The following DGKI variants were observed in gnomAD, a reference collection of about 807,000 sequenced individuals.
DGKI encodes diacylglycerol kinase iota.
DGKI carries 55 observed loss-of-function variants against 147.5 expected under a neutral mutation model. That is an observed-to-expected ratio of 0.37 (90% CI 0.30 to 0.47). The LOEUF (loss-of-function observed/expected upper bound fraction) is 0.47, where lower values mean the gene tolerates loss of function less well. DGKI is among the 20% of genes least tolerant of loss of function. The pLI, the probability that DGKI is intolerant of heterozygous loss-of-function variation, is 1.00. For synonymous variants in DGKI, 469 were observed against 477.1 expected (o/e 0.98, Z 0.22); for missense variants, 1,007 against 1,323.8 (o/e 0.76, Z 3.71).
intron 1 of DGKI, among the ~76,000 whole-genome samples, chr7:137,829,731 C>A (rs529919555): frequency 1.3e-5 from 2 of 152,346 alleles, no homozygotes; most frequent in Non-Finnish European, 2.9e-5. Flanking sequence ...AAGTAATTTT[C>A]TTGGCCACCA....
At chr7:137,423,724 G>A (rs1227557180) in intron 28 of DGKI, among the ~76,000 whole-genome samples, 1 of 152,148 alleles carries the variant, frequency 6.6e-6, no homozygotes, top group African/African-American at 2.4e-5. Context: ...GTAAAGTCAG[G>A]AAGGAGTTAA....
intron 15 of DGKI, among the ~76,000 whole-genome samples, chr7:137,580,234 G>A (rs1045780271): frequency 6.6e-6 from 1 of 152,066 alleles, no homozygotes; most frequent in Non-Finnish European, 1.5e-5. Context: ...ATTTTATTAA[G>A]AAGCCCAGGA....
intron 6 of DGKI, among the ~76,000 whole-genome samples, chr7:137,639,969 C>A (rs116490467): frequency 0.014 from 2,123 of 152,030 alleles, 30 homozygotes; most frequent in South Asian, 0.037. Flanking sequence ...ATCCATTACT[C>A]CAAAAATGTT....
At chr7:137,402,917 A>T (rs1811814954) in intron 30 of DGKI, among the ~76,000 whole-genome samples, 1 of 152,224 alleles carries the variant, frequency 6.6e-6, no homozygotes, top group Admixed American at 6.5e-5. Flanking sequence ...AAAATAACCC[A>T]TTGAAATCAA....
Position 137,397,420 on chromosome 7 carries a change from A to G in DGKI, c.2921-7T>C. 1 of 1,611,574 alleles carries G rather than the reference A, an allele frequency of 6.2e-7. No homozygotes were observed. On this transcript the variant is annotated splice_region_variant and splice_polypyrimidine_tract_variant and intron_variant, in intron 30 of 32. Coordinates refer to ENST00000614521, the MANE Select transcript of DGKI (RefSeq NM_001321708.2). ...TCCAATAACTCGGAAGGTCCTAAATAAGAAGAAAGCAAGATGACCGTCAAA... is the reference window on the plus strand; with the variant it reads ...TCCAATAACTCGGAAGGTCCTAAATGAGAAGAAAGCAAGATGACCGTCAAA...
intron 2 of DGKI, among the ~76,000 whole-genome samples, chr7:137,680,848 C>T (rs1823210892): frequency 1.3e-5 from 2 of 152,122 alleles, no homozygotes; most frequent in Admixed American, 1.3e-4. Flanking sequence ...TACCAAGTGT[C>T]ACCCATCTTT....
intron 7 of DGKI, among the ~76,000 whole-genome samples, chr7:137,623,272 G>C (rs1310652410): frequency 1.3e-5 from 2 of 152,172 alleles, no homozygotes; most frequent in East Asian, 3.9e-4. Context: ...ATAAAATATA[G>C]AAGTTAATTT....
chr7:137,513,246 C>G (rs987792364), intron 21 of DGKI, among the ~76,000 whole-genome samples: 2 of 152,160 alleles, frequency 1.3e-5, no homozygotes, highest in Non-Finnish European at 2.9e-5. Flanking sequence ...TCTGCCTTCT[C>G]TGGCTGTACT....
chr7:137,478,070 T>C (rs1202966122), intron 23 of DGKI, among the ~76,000 whole-genome samples: 1 of 152,156 alleles, frequency 6.6e-6, no homozygotes, highest in Non-Finnish European at 1.5e-5. Flanking sequence ...AGGTCTACAT[T>C]GGGTGGAGAG....
intron 21 of DGKI, among the ~76,000 whole-genome samples, chr7:137,497,826 C>T (rs564535026): frequency 4.6e-5 from 7 of 152,150 alleles, no homozygotes; most frequent in Middle Eastern, 3.4e-3. Context: ...AGAGAAGGAA[C>T]GTGACAATCA....
intron 20 of DGKI, among the ~76,000 whole-genome samples, chr7:137,529,288 C>T (rs1347132893): frequency 6.6e-6 from 1 of 152,038 alleles, no homozygotes; most frequent in Non-Finnish European, 1.5e-5. Flanking sequence ...GTAATCTACG[C>T]ATGTAACAAA....
intron 19 of DGKI, among the ~76,000 whole-genome samples, chr7:137,557,907 A>G (rs1270194276): frequency 6.6e-6 from 1 of 152,122 alleles, no homozygotes; most frequent in Non-Finnish European, 1.5e-5. Flanking sequence ...GATGCTAATA[A>G]CACCATCTTC....
chr7:137,682,905 T>C (rs1236686891), intron 2 of DGKI, among the ~76,000 whole-genome samples: 3 of 152,182 alleles, frequency 2.0e-5, no homozygotes, highest in Admixed American at 2.0e-4. Context: ...AGGGCCTGAC[T>C]ACCCAGCCAA....
In DGKI at chr7:137,384,145, T is replaced by C. The variant is rs1249966506; in HGVS notation, c.*7075A>G. 1 of 152,048 alleles carries C rather than the reference T, an allele frequency of 6.6e-6. No individual in the cohort carries two copies. The highest frequency in any genetic ancestry group is 1.5e-5 in the Non-Finnish European group (1 of 67,950). 9.4% of individuals were successfully genotyped at this position (152,048 alleles called of 1,614,324 possible). ...GCATTCAGAAATTATATCATCCTAA[T>C]AGTGACTTCAAAGGAAGAAAAATAG... On this transcript the variant is annotated 3_prime_UTR_variant, in exon 33 of 33. Transcript: ENST00000614521.
At chr7:137,623,377 A>C in intron 7 of DGKI, 106 bp downstream of exon 7, 1 of 1,075,218 alleles carries the variant, frequency 9.3e-7, no homozygotes, top group Non-Finnish European at 1.4e-6. Flanking sequence ...AAAGCAATAC[A>C]TTAAATTAGG....
At chr7:137,772,963 A>G (rs982628707) in intron 1 of DGKI, among the ~76,000 whole-genome samples, 7 of 152,216 alleles carry the variant, frequency 4.6e-5, no homozygotes, top group Non-Finnish European at 7.3e-5. Context: ...TCACAATGGA[A>G]TAAGCTGCTG....
intron 21 of DGKI, among the ~76,000 whole-genome samples, chr7:137,498,734 T>C (rs1350400306): frequency 5.9e-5 from 9 of 152,178 alleles, no homozygotes; most frequent in Non-Finnish European, 5.9e-5. Context: ...CTGGGTTATC[T>C]GCCCCAATAA....
At position 137,753,348 on chromosome 7, in the gene DGKI, A is replaced by G. The variant is rs146281130; in HGVS notation, c.402-63346T>C. On this transcript the variant is annotated intron_variant, in intron 1 of 32. Transcript: ENST00000614521. ...AAAGTGGATTAGCCTGGCAGACAGT[A>G]TTAAACTCAGCCGGGATCCCTGGGA... Among the ~76,000 whole-genome samples the G allele has an allele frequency of 2.7e-3, 410 of 152,320 alleles. 5 individuals carry two copies. Among genetic ancestry groups the G allele is most frequent in the African/African-American group, 9.0e-3 (374 of 41,566 alleles).
chr7:137,614,711 G>T (rs1484593493), intron 8 of DGKI, among the ~76,000 whole-genome samples: 1 of 152,026 alleles, frequency 6.6e-6, no homozygotes, highest in Non-Finnish European at 1.5e-5. Flanking sequence ...TAGCATCAAG[G>T]TTTCACAGAG....
Sources: gnomAD v4.1 joint callset for allele counts (sites outside exome capture counted in the v4.1 genomes callset) on GRCh38, gnomAD v4.1.1 for gene constraint, MANE v1.5 for transcripts, NCBI Gene and HGNC (gene_info 2026-07-23, HGNC 2026-07-21) for gene names.